Variants in CHCHD3 observed in about 807,000 individuals in gnomAD.
CHCHD3 encodes the protein coiled-coil-helix-coiled-coil-helix domain containing 3, also known as MICOS complex subunit MIC19.
Under a neutral mutation model 38.2 loss-of-function variants are expected in CHCHD3, and 20 were observed. The ratio of observed to expected loss-of-function variants is 0.52; its 90% CI spans 0.37 to 0.76. The LOEUF (loss-of-function observed/expected upper bound fraction) is 0.76, where lower values mean the gene tolerates loss of function less well. Ranked by LOEUF, CHCHD3 falls within the 30% of genes least tolerant of loss-of-function variation. The pLI is 0.00. For synonymous variants in CHCHD3, 82 were observed against 100.0 expected (o/e 0.82, Z 1.07); for missense variants, 245 against 279.2 (o/e 0.88, Z 0.87).
intron 5 of CHCHD3, among the ~76,000 whole-genome samples, chr7:132,875,314 C>T (rs543494927): frequency 1.3e-5 from 2 of 152,268 alleles, no homozygotes; most frequent in East Asian, 3.9e-4. Flanking sequence ...TGGACGAACA[C>T]ATTAATTTTA....
intron 6 of CHCHD3, among the ~76,000 whole-genome samples, chr7:132,837,663 C>G (rs140682232): frequency 6.6e-6 from 1 of 152,280 alleles, no homozygotes; most frequent in Non-Finnish European, 1.5e-5. Context: ...GAGCCCGATG[C>G]AATCTTTCAA....
intron 2 of CHCHD3, among the ~76,000 whole-genome samples, chr7:133,067,891 C>G (rs554889563): frequency 6.6e-6 from 1 of 151,978 alleles, no homozygotes; most frequent in Admixed American, 6.6e-5. Flanking sequence ...TCGAGGCGGG[C>G]GGATCACGAG....
intron 6 of CHCHD3, among the ~76,000 whole-genome samples, chr7:132,817,008 A>T (rs1807217321): frequency 6.6e-6 from 1 of 152,216 alleles, no homozygotes; most frequent in Admixed American, 6.5e-5. Flanking sequence ...GCTGCCTGAA[A>T]AACAGACAAG....
chr7:132,849,478 A>T (rs1808161312), intron 5 of CHCHD3: 1 of 152,160 alleles, frequency 6.6e-6, no homozygotes. Context: ...AATCCATATC[A>T]CCAGTCATCA....
At chr7:133,064,665 A>G (rs540144435) in intron 2 of CHCHD3, among the ~76,000 whole-genome samples, 15 of 152,344 alleles carry the variant, frequency 9.8e-5, no homozygotes, top group African/African-American at 3.1e-4. Flanking sequence ...CAATTTGTTA[A>G]GGCTGCCAAA....
intron 3 of CHCHD3, among the ~76,000 whole-genome samples, chr7:132,981,410 A>C (rs1048655698): frequency 1.3e-5 from 2 of 152,254 alleles, no homozygotes; most frequent in Non-Finnish European, 2.9e-5. Context: ...CATCTTAAAG[A>C]GTAAACTTTC....
chr7:132,820,461 T>C (rs567068006), intron 6 of CHCHD3, among the ~76,000 whole-genome samples: 2 of 152,338 alleles, frequency 1.3e-5, no homozygotes, highest in East Asian at 3.9e-4. Flanking sequence ...CTCTTTGCTA[T>C]GGCTTCCGCA....
rs571611174 is a variant in CHCHD3 at position 132,907,423 on chromosome 7, G to A, written c.370-21678C>T. ...AGTAAATGCTGCCAGGAAAATAAAGGATTTCATCAACTGGACTAGAACTTG... is the reference window on the plus strand; with the variant it reads ...AGTAAATGCTGCCAGGAAAATAAAGAATTTCATCAACTGGACTAGAACTTG... On this transcript the variant is annotated intron_variant, in intron 4 of 7. Coordinates refer to ENST00000262570, the MANE Select transcript of CHCHD3 (RefSeq NM_017812.4). Among the ~76,000 whole-genome samples, 30 of 152,260 alleles carry A rather than the reference G, an allele frequency of 2.0e-4. No homozygotes were observed. The South Asian group carries it at 4.2e-3, about 21-fold the overall frequency.
chr7:132,919,775 T>C (rs912951640), intron 4 of CHCHD3, among the ~76,000 whole-genome samples: 4 of 152,202 alleles, frequency 2.6e-5, no homozygotes, highest in African/African-American at 9.6e-5. Flanking sequence ...CTGTGCTCCT[T>C]GGGACCCAAA....
intron 2 of CHCHD3, among the ~76,000 whole-genome samples, chr7:133,068,151 T>C (rs1814725944): frequency 6.6e-6 from 1 of 152,154 alleles, no homozygotes; most frequent in East Asian, 1.9e-4. Context: ...CTTATTTATT[T>C]ACATAATAGA....
chr7:132,951,488 A>C (rs10257274), intron 4 of CHCHD3, among the ~76,000 whole-genome samples: 2,642 of 152,316 alleles, frequency 0.017, 78 homozygotes, highest in African/African-American at 0.06. Context: ...ATACGAAGCC[A>C]TATAACTACA....
At chr7:133,063,683 C>T (rs1224439913) in intron 2 of CHCHD3, among the ~76,000 whole-genome samples, 3 of 152,170 alleles carry the variant, frequency 2.0e-5, no homozygotes, top group Non-Finnish European at 4.4e-5. Flanking sequence ...AAAACCAGCA[C>T]TATATCTTTA....
In CHCHD3 at chr7:132,898,687, C is replaced by T. The variant is rs1354165377; in HGVS notation, c.370-12942G>A. On this transcript the variant is annotated intron_variant, in intron 4 of 7. Coordinates refer to ENST00000262570, the MANE Select transcript of CHCHD3 (RefSeq NM_017812.4). ...GCTCGTCGAGGAGGCTCGGGCCGCA[C>T]AGGAGCCCACGGAGCGGGTGGGAGG... is the stretch of plus-strand genomic sequence containing the variant. Among the ~76,000 whole-genome samples the T allele has an allele frequency of 2.0e-5, 3 of 152,250 alleles. 1 individual carries two copies. Among genetic ancestry groups the T allele is most frequent in the Admixed American group, 1.3e-4 (2 of 15,292 alleles).
intron 6 of CHCHD3, among the ~76,000 whole-genome samples, chr7:132,818,582 T>G (rs1489618681): frequency 6.6e-6 from 1 of 152,182 alleles, no homozygotes; most frequent in African/African-American, 2.4e-5. Flanking sequence ...AGTATTTAAT[T>G]GGTGTTCTTG....
chr7:132,869,165 C>T lies in CHCHD3; in HGVS notation c.453+16497G>A, dbSNP rs536856499. On this transcript the variant is annotated intron_variant, in intron 5 of 7. Coordinates refer to ENST00000262570, the MANE Select transcript of CHCHD3 (RefSeq NM_017812.4). ...ATTAGAGGGCACCTGTATAGCATTT[C>T]CTCTGATGCTAAGGTCTCCTACAGT... Among the ~76,000 whole-genome samples the T allele has an allele frequency of 2.6e-4, 40 of 152,256 alleles. No individual in the cohort carries two copies. The South Asian group carries it at 3.3e-3, about 13-fold the overall frequency.
At chr7:132,954,856 T>C (rs750387830) in intron 4 of CHCHD3, among the ~76,000 whole-genome samples, 10 of 152,146 alleles carry the variant, frequency 6.6e-5, no homozygotes, top group Non-Finnish European at 1.2e-4. Flanking sequence ...ATTGTGGTCC[T>C]ACTCAGATAA....
intron 2 of CHCHD3, among the ~76,000 whole-genome samples, chr7:133,039,639 A>G (rs570127846): frequency 8.5e-5 from 13 of 152,356 alleles, no homozygotes; most frequent in Non-Finnish European, 8.8e-5. Flanking sequence ...TTCCACTGTC[A>G]TCTGGGAAGC....
chr7:132,916,459 C>T (rs561401857), intron 4 of CHCHD3, among the ~76,000 whole-genome samples: 49 of 151,264 alleles, frequency 3.2e-4, no homozygotes, highest in African/African-American at 1.1e-3. Flanking sequence ...AACCATAGTC[C>T]GAAAATAAGT....
intron 4 of CHCHD3, among the ~76,000 whole-genome samples, chr7:132,916,179 C>T (rs911008083): frequency 2.6e-5 from 4 of 152,118 alleles, no homozygotes; most frequent in Non-Finnish European, 5.9e-5. Context: ...TAAAAATCCA[C>T]ACTACTAATT....
Sources: gnomAD v4.1 joint callset for allele counts (sites outside exome capture counted in the v4.1 genomes callset) on GRCh38, gnomAD v4.1.1 for gene constraint, MANE v1.5 for transcripts, NCBI Gene and HGNC (gene_info 2026-07-23, HGNC 2026-07-21) for gene names.